ZBTB8OS: variants seen among roughly 807,000 people sequenced by gnomAD.
ZBTB8OS encodes tRNA-splicing ligase-activating factor archease.
Under a neutral mutation model 29.3 loss-of-function variants are expected in ZBTB8OS, and 16 were observed. The ratio of observed to expected loss-of-function variants is 0.55; its 90% CI spans 0.37 to 0.83. The LOEUF is 0.83. ZBTB8OS is among the 40% of genes least tolerant of loss of function. The probability of loss-of-function intolerance (pLI) is 0.00; values close to 1 mark genes in which losing one functional copy is unlikely to be tolerated. For synonymous variants in ZBTB8OS, 70 were observed against 64.6 expected (o/e 1.08, Z -0.40); for missense variants, 160 against 196.9 (o/e 0.81, Z 1.12).
At chr1:32,633,029 C>T (rs1027347755) in intron 4 of ZBTB8OS, among the ~76,000 whole-genome samples, 2 of 152,186 alleles carry the variant, frequency 1.3e-5, no homozygotes, top group East Asian at 1.9e-4. Flanking sequence ...TATTAAATAA[C>T]AATGACATTG....
intron 6 of ZBTB8OS, among the ~76,000 whole-genome samples, chr1:32,626,861 T>C (rs957371719): frequency 5.3e-5 from 8 of 152,178 alleles, no homozygotes; most frequent in African/African-American, 1.9e-4. Context: ...ATTTTTACAT[T>C]TTTAAATGGT....
chr1:32,638,249 T>G (rs1209178432), intron 1 of ZBTB8OS, among the ~76,000 whole-genome samples: 1 of 148,796 alleles, frequency 6.7e-6, no homozygotes, highest in Non-Finnish European at 1.5e-5. Context: ...TTTTTTTTTT[T>G]TTTTGAGACA....
chr1:32,623,580 C>T, intron 6 of ZBTB8OS, among the ~76,000 whole-genome samples: 1 of 152,108 alleles, frequency 6.6e-6, no homozygotes, highest in East Asian at 1.9e-4. Flanking sequence ...CCCTGGCTCC[C>T]ATCAGAAGGC....
In ZBTB8OS at chr1:32,634,835, ACT is replaced by A. The variant is rs1557778242; in HGVS notation, c.98-45_98-44del. 28 of 1,294,944 alleles carry A rather than the reference ACT, an allele frequency of 2.2e-5. No homozygotes were observed. The East Asian group carries it at 5.8e-4, about 27-fold the overall frequency. The allele number at this position is 1,294,944 out of a possible 1,614,324, so 80.2% of individuals were successfully genotyped here. On this transcript the variant is annotated intron_variant, in intron 1 of 6. Transcript: ENST00000468695. The stretch of plus-strand genomic sequence containing the variant: ...AAACACTTATAAGACACTAAACTTG[ACT>A]CTCAAATCACACACACAAAATAACT...
chr1:32,635,063 A>T (rs1450832283), intron 1 of ZBTB8OS, among the ~76,000 whole-genome samples: 1 of 151,702 alleles, frequency 6.6e-6, no homozygotes, highest in African/African-American at 2.4e-5. Flanking sequence ...CATCTCAAAA[A>T]TAAATAAATA....
chr1:32,634,884 T>C, intron 1 of ZBTB8OS, 92 bp from the exon 2 acceptor site: 1 of 911,218 alleles, frequency 1.1e-6, no homozygotes, highest in Non-Finnish European at 1.9e-6. Flanking sequence ...TTATTAGGAA[T>C]ATCATCTTTA....
At position 32,650,545 on chromosome 1, in the gene ZBTB8OS, C is replaced by T; in HGVS notation, c.-16G>A. Reference sequence around the variant, plus strand: ...CCTGCGCCATGACTGCAGGATTAGACACTCTACTTCCGCCCTTCATCCACC... The same window carrying T: ...CCTGCGCCATGACTGCAGGATTAGATACTCTACTTCCGCCCTTCATCCACC... On this transcript the variant is annotated 5_prime_UTR_variant, in exon 1 of 7. Coordinates refer to ENST00000468695, the MANE Select transcript of ZBTB8OS (RefSeq NM_178547.5). 6.2e-7 allele frequency: 1 copy of T among 1,614,112 alleles called. No individual in the cohort carries two copies. Among genetic ancestry groups the T allele is most frequent in the Non-Finnish European group, 8.5e-7 (1 of 1,180,006 alleles).
chr1:32,643,684 A>G (rs903796974), intron 1 of ZBTB8OS, among the ~76,000 whole-genome samples: 16 of 151,564 alleles, frequency 1.1e-4, no homozygotes, highest in Middle Eastern at 3.4e-3. Context: ...TTTAGTAGAG[A>G]GGGGGTTTCA....
rs1441594169 is a variant in ZBTB8OS, at chr1:32,633,653, T to G, written c.319A>C (p.Ile107Leu). The G allele has an allele frequency of 1.9e-6, 3 of 1,601,518 alleles. No individual in the cohort carries two copies. The highest frequency in any genetic ancestry group is 1.3e-5 in the African/African-American group (1 of 74,108). ...LYKFSADEFFIPREVKVLSID... is the reference protein window; with the variant it reads ...LYKFSADEFFLPREVKVLSID... The stretch of plus-strand genomic sequence containing the variant: ...GAAAAACCTTTGCTTACCCGGGGTA[T>G]GAAGAATTCATCAGCACTGAACTTA... The change falls in exon 4 of 7, where the codon ATA becomes CTA. Residue 107 changes from isoleucine (I) to leucine (L), a missense_variant. Transcript: ENST00000468695.
intron 1 of ZBTB8OS, 153 bp downstream of exon 1, chr1:32,650,280 A>G (rs1647257635): frequency 1.1e-5 from 11 of 1,026,674 alleles, no homozygotes; most frequent in Non-Finnish European, 1.5e-5. Flanking sequence ...CATCCCCAGG[A>G]GAAGTACGAA....
chr1:32,633,801 TA>T, intron 3 of ZBTB8OS, 74 bp from the exon 4 acceptor site: 1 of 1,474,630 alleles, frequency 6.8e-7, no homozygotes, highest in Non-Finnish European at 9.2e-7. Flanking sequence ...GTGCAATAAA[TA>T]AATGTCTTAG....
At chr1:32,644,208 ATCGGACGAAT>A (rs1418745901) in intron 1 of ZBTB8OS, among the ~76,000 whole-genome samples, 1 of 152,204 alleles carries the variant, frequency 6.6e-6, no homozygotes, top group African/African-American at 2.4e-5. Context: ...GCGTTTATCA[ATCGGACGAAT>A]TCCTGGGAAC....
chr1:32,639,396 T>C (rs1646234428), intron 1 of ZBTB8OS, among the ~76,000 whole-genome samples: 1 of 152,006 alleles, frequency 6.6e-6, no homozygotes, highest in Non-Finnish European at 1.5e-5. Flanking sequence ...CAATATATCC[T>C]AGTATTCCTG....
At chr1:32,629,614 A>G (rs1645383353) in intron 5 of ZBTB8OS, among the ~76,000 whole-genome samples, 1 of 152,178 alleles carries the variant, frequency 6.6e-6, no homozygotes, top group Non-Finnish European at 1.5e-5. Context: ...AAAGTAATCT[A>G]GAACTTAGGA....
chr1:32,634,225 A>T (rs1326884548), intron 2 of ZBTB8OS, 153 bp from the exon 3 acceptor site: 12 of 549,020 alleles, frequency 2.2e-5, no homozygotes, highest in Non-Finnish European at 3.5e-5. Flanking sequence ...TTTTCTTTTT[A>T]TTATTTATTT....
At chr1:32,633,623 A>T (rs1376971305) in intron 4 of ZBTB8OS, 22 bp downstream of exon 4, 1 of 1,559,474 alleles carries the variant, frequency 6.4e-7, no homozygotes, top group African/African-American at 1.4e-5. Flanking sequence ...TTGCTCAGTA[A>T]AAAAGAAAAA....
chr1:32,640,003 C>T (rs1434955817), intron 1 of ZBTB8OS: 1 of 152,142 alleles, frequency 6.6e-6, no homozygotes, highest in Non-Finnish European at 1.5e-5. Context: ...ACCAGTTATA[C>T]ATTTCTTTGT....
chr1:32,625,272 G>A (rs947257414), intron 6 of ZBTB8OS, among the ~76,000 whole-genome samples: 31 of 149,648 alleles, frequency 2.1e-4, no homozygotes, highest in African/African-American at 6.9e-4. Context: ...GGCTGGGCGC[G>A]ATGGCTCACG....
At chr1:32,640,465 C>T (rs1299237049) in intron 1 of ZBTB8OS, among the ~76,000 whole-genome samples, 6 of 152,084 alleles carry the variant, frequency 3.9e-5, no homozygotes, top group Non-Finnish European at 7.4e-5. Flanking sequence ...AATGAACTTA[C>T]CATATTGTAA....
Sources: gnomAD v4.1 joint callset for allele counts (sites outside exome capture counted in the v4.1 genomes callset) on GRCh38, gnomAD v4.1.1 for gene constraint, MANE v1.5 for transcripts, NCBI Gene and HGNC (gene_info 2026-07-23, HGNC 2026-07-21) for gene names.